The following NPR3 variants were observed in gnomAD, a reference collection of about 807,000 sequenced individuals.
The protein encoded by NPR3 is natriuretic peptide receptor 3.
In NPR3, 34 loss-of-function variants were observed where a neutral mutation model predicts 54.5. The observed-to-expected ratio is 0.62, with a 90% CI of 0.47 to 0.83. NPR3 has a LOEUF of 0.83. Ranked by LOEUF, NPR3 falls within the 40% of genes least tolerant of loss-of-function variation. NPR3 has a pLI of 0.00. For synonymous variants in NPR3, 289 were observed against 297.1 expected, an observed-to-expected ratio of 0.97 and a Z score of 0.28; for missense variants, 674 against 720.8, an observed-to-expected ratio of 0.94 and a Z score of 0.74.
intron 4 of NPR3, among the ~76,000 whole-genome samples, chr5:32,775,705 C>T (rs1379466412): frequency 2.6e-5 from 4 of 152,054 alleles, no homozygotes; most frequent in African/African-American, 9.7e-5. Context: ...TCAAGTGATT[C>T]TCGTACCTCA....
chr5:32,716,202 A>G (rs58101202), intron 1 of NPR3, among the ~76,000 whole-genome samples: 5,563 of 152,208 alleles, frequency 0.037, 353 homozygotes, highest in African/African-American at 0.13. Context: ...AAAAAGTTAG[A>G]TTTACATTTT....
intron 1 of NPR3, among the ~76,000 whole-genome samples, chr5:32,716,129 C>T (rs1420168073): frequency 3.3e-5 from 5 of 152,170 alleles, no homozygotes; most frequent in Non-Finnish European, 7.3e-5. Flanking sequence ...ATGCAATCTC[C>T]ATTTTGCAAA....
At chr5:32,710,516 G>T, upstream of NPR3, 1 of 875,798 alleles carries the variant, frequency 1.1e-6, no homozygotes, top group Non-Finnish European at 1.6e-6. Flanking sequence ...TGCGCTGACA[G>T]AGGGTCCGTG....
At chr5:32,699,911 A>G (rs1190178053) in intron 1 of NPR3, among the ~76,000 whole-genome samples, 1 of 152,200 alleles carries the variant, frequency 6.6e-6, no homozygotes, top group African/African-American at 2.4e-5. Context: ...TAGCTTTTGC[A>G]CTACTGGGAA....
At chr5:32,710,617 C>A, upstream of NPR3, 1 of 1,426,296 alleles carries the variant, frequency 7.0e-7, no homozygotes, top group Admixed American at 2.9e-5. Flanking sequence ...CTGAGGAAGG[C>A]GGGGTGTAGG....
chr5:32,710,859 G>GTTTTTTTTTTTTTTTTTTTTTTTTTTTTT (rs56022335), upstream of NPR3: 2 of 897,928 alleles, frequency 2.2e-6, 1 homozygote, highest in African/African-American at 4.4e-5. Context: ...CCCAGTCCTG[G>GTTTTTTTTTTTTTTTTTTTTTTTTTTTTT]TTTTTTTTTT....
At chr5:32,719,360 A>G (rs1259040242) in intron 1 of NPR3, among the ~76,000 whole-genome samples, 1 of 152,166 alleles carries the variant, frequency 6.6e-6, no homozygotes, top group African/African-American at 2.4e-5. Flanking sequence ...AAGGATGAAT[A>G]AGGCCTAAAT....
intron 3 of NPR3, among the ~76,000 whole-genome samples, chr5:32,764,274 T>G (rs768002027): frequency 6.6e-6 from 1 of 152,108 alleles, no homozygotes; most frequent in African/African-American, 2.4e-5. Flanking sequence ...CCCCTTGATA[T>G]CAGCTCTCAC....
Position 32,788,904 on chromosome 5 carries a change from T to A in NPR3, c.*2559T>A, listed in dbSNP as rs1198381086. ...GGGTTACAAAAACTCTGTTAGGTTT[T>A]GAAAATTCCATTAAGTTGGAAACCT... On this transcript the variant is annotated 3_prime_UTR_variant, in exon 8 of 8. Transcript: ENST00000265074. 1 of 152,344 alleles carries A rather than the reference T, an allele frequency of 6.6e-6. No individual in the cohort carries two copies. The highest frequency in any genetic ancestry group is 1.5e-5 in the Non-Finnish European group (1 of 68,166). The allele number at this position is 152,344 out of a possible 1,614,324, so 9.4% of individuals were successfully genotyped here. A position where few individuals can be genotyped will look rare whatever the true frequency, so the allele number is the denominator to read the frequency against.
chr5:32,733,526 C>T (rs1468932487), intron 2 of NPR3, among the ~76,000 whole-genome samples: 6 of 152,162 alleles, frequency 3.9e-5, no homozygotes. Context: ...GCTTCCCTAT[C>T]TTCCTGAGAA....
intron 1 of NPR3, chr5:32,713,418 A>AT: frequency 1.0e-6 from 1 of 985,414 alleles, no homozygotes; most frequent in Non-Finnish European, 1.2e-6. Flanking sequence ...TGTAATCGCC[A>AT]GTGTGGCCCA....
At chr5:32,758,939 T>A (rs147841731) in intron 3 of NPR3, among the ~76,000 whole-genome samples, 1 of 152,214 alleles carries the variant, frequency 6.6e-6, no homozygotes, top group East Asian at 1.9e-4. Context: ...AATCCTGAGT[T>A]CTAGTTTGAT....
At chr5:32,765,637 T>G (rs184569189) in intron 3 of NPR3, among the ~76,000 whole-genome samples, 10 of 152,210 alleles carry the variant, frequency 6.6e-5, no homozygotes, top group Admixed American at 6.5e-4. Context: ...AAGTGCAAAA[T>G]GGACTGGTGA....
chr5:32,727,803 T>C (rs1739215237), intron 2 of NPR3, among the ~76,000 whole-genome samples: 1 of 152,176 alleles, frequency 6.6e-6, no homozygotes, highest in Non-Finnish European at 1.5e-5. Flanking sequence ...ACAGTTTTTT[T>C]CTCTGTTTTG....
chr5:32,782,077 G>A (rs1170863288), intron 5 of NPR3, among the ~76,000 whole-genome samples: 2 of 152,172 alleles, frequency 1.3e-5, no homozygotes, highest in African/African-American at 4.8e-5. Flanking sequence ...ACTGAGGGAT[G>A]ACCATGGAAT....
rs531545976 is a variant in NPR3, at chr5:32,723,651, C to T, written c.770-1047C>T. ...TTGACAATTTTCACTATCTTATATC[C>T]GGCAAATCTGGTGATTTATTTGATG... On this transcript the variant is annotated intron_variant, in intron 1 of 7. Coordinates refer to ENST00000265074, the MANE Select transcript of NPR3 (RefSeq NM_001204375.2). 1.2e-4 allele frequency among the ~76,000 whole-genome samples: 19 copies of T among 152,180 alleles called. No individual in the cohort carries two copies. The South Asian group carries it at 1.5e-3, about 12-fold the overall frequency.
At chr5:32,778,183 A>G (rs964762088) in intron 4 of NPR3, among the ~76,000 whole-genome samples, 2 of 152,224 alleles carry the variant, frequency 1.3e-5, no homozygotes, top group African/African-American at 4.8e-5. Context: ...CTACACAGGC[A>G]ATATGAAATG....
At chr5:32,740,531 G>T (rs1014023593) in intron 3 of NPR3, among the ~76,000 whole-genome samples, 8 of 150,614 alleles carry the variant, frequency 5.3e-5, no homozygotes, top group Non-Finnish European at 1.2e-4. Flanking sequence ...GTGCTGTCTG[G>T]TAGTTATACA....
At chr5:32,707,980 C>T (rs1281173912), upstream of NPR3, among the ~76,000 whole-genome samples, 1 of 144,500 alleles carries the variant, frequency 6.9e-6, no homozygotes, top group Non-Finnish European at 1.5e-5. Context: ...AGCTTGCCAC[C>T]TTATTGTAGT....
Sources: gnomAD v4.1 joint callset for allele counts (sites outside exome capture counted in the v4.1 genomes callset) on GRCh38, gnomAD v4.1.1 for gene constraint, MANE v1.5 for transcripts, NCBI Gene and HGNC (gene_info 2026-07-23, HGNC 2026-07-21) for gene names.